The following MRAP variants were observed in gnomAD, a reference collection of about 807,000 sequenced individuals.
MRAP encodes melanocortin 2 receptor accessory protein, also known as melanocortin-2 receptor accessory protein.
A neutral mutation model predicts 8.7 loss-of-function variants in MRAP; 8 were observed. That is an observed-to-expected ratio of 0.92 (90% confidence interval 0.54 to 1.66). The LOEUF is 1.66. MRAP is among the 40% of genes most tolerant of loss of function. The pLI is 0.00. For missense variants in MRAP, 237 were observed against 217.1 expected, an observed-to-expected ratio of 1.09 and a Z score of -0.58; for synonymous variants, 95 against 95.5, an observed-to-expected ratio of 1.00 and a Z score of 0.03.
At chr21:32,300,592 A>G (rs12482890) in intron 1 of MRAP, among the ~76,000 whole-genome samples, 146,301 of 147,318 alleles carry the variant, frequency 0.99, 72,642 homozygotes, top group Non-Finnish European at 0.99. Context: ...GGGGCGTCAC[A>G]CGTCCTATGT....
In MRAP at chr21:32,306,673, C is replaced by T. The variant is rs2032426183; in HGVS notation, c.140C>T (p.Ala47Val). Residue 47 changes from alanine (A) to valine (V), a missense_variant, in exon 2 of 3, where the codon GCT becomes GTT. Transcript: ENST00000303645. ...SIVIAFWVSLAAFVVLLFLIL... is the reference protein window; with the variant it reads ...SIVIAFWVSLVAFVVLLFLIL... ...GTGATCGCATTCTGGGTGAGCCTGG[C>T]TGCCTTCGTGGTGCTGCTCTTCCTC... 6.2e-7 allele frequency: 1 copy of T among 1,614,038 alleles called. No individual in the cohort carries two copies. The highest frequency in any genetic ancestry group is 1.3e-5 in the African/African-American group (1 of 74,922).
chr21:32,309,369 A>G (rs2032497004), intron 2 of MRAP, among the ~76,000 whole-genome samples: 2 of 151,772 alleles, frequency 1.3e-5, no homozygotes, highest in Admixed American at 6.6e-5. Context: ...TGTCTCACCC[A>G]CCAGGGCTAC....
At chr21:32,311,447 G>A in intron 2 of MRAP, 6 of 197,718 alleles carry the variant, frequency 3.0e-5, no homozygotes, top group South Asian at 2.8e-4. Context: ...GTAGGAAGAA[G>A]TGGCCTCCAG....
At chr21:32,314,483 T>A, downstream of MRAP, 3 of 1,480,906 alleles carry the variant, frequency 2.0e-6, no homozygotes, top group Non-Finnish European at 1.9e-6. Context: ...CCTCACCTGC[T>A]GAAAAATAAA....
In MRAP at chr21:32,311,696, G is replaced by C; in HGVS notation, c.219G>C (p.Lys73Asn). The change falls in exon 3 of 3, where the codon AAG becomes AAC. Residue 73 changes from lysine to asparagine, a missense_variant. Coordinates refer to ENST00000303645, the MANE Select transcript of MRAP (RefSeq NM_001379228.1). ...GCTCTGTTCACAGGAACAGCCCCAAGCACCACCAAACATGCCCCTGGAGTC... is the reference window on the plus strand; with the variant it reads ...GCTCTGTTCACAGGAACAGCCCCAACCACCACCAAACATGCCCCTGGAGTC... ...SASPQMRNSP[K>N]HHQTCPWSHG... 1 of 1,613,918 alleles carries C rather than the reference G, an allele frequency of 6.2e-7. No individual in the cohort carries two copies. Among genetic ancestry groups the C allele is most frequent in the Non-Finnish European group, 8.5e-7 (1 of 1,179,948 alleles).
intron 1 of MRAP, among the ~76,000 whole-genome samples, chr21:32,301,614 G>A (rs1462303577): frequency 6.6e-6 from 1 of 152,196 alleles, no homozygotes; most frequent in Non-Finnish European, 1.5e-5. Context: ...CAGCAATACA[G>A]ATTATTCTAA....
chr21:32,306,836 A>G, intron 2 of MRAP, 97 bp downstream of exon 2: 3 of 972,120 alleles, frequency 3.1e-6, no homozygotes. Flanking sequence ...GCTGGAGACC[A>G]GAAGTGTTTC....
chr21:32,297,356 T>A (rs1489030586), upstream of MRAP, among the ~76,000 whole-genome samples: 2 of 152,102 alleles, frequency 1.3e-5, no homozygotes, highest in Non-Finnish European at 2.9e-5. Flanking sequence ...GGTGCCCACA[T>A]AATGGAATAT....
At chr21:32,309,915 A>G (rs2032516450) in intron 2 of MRAP, among the ~76,000 whole-genome samples, 3 of 151,984 alleles carry the variant, frequency 2.0e-5, no homozygotes. Flanking sequence ...TGAGGTCAGG[A>G]GCCACTGTGC....
At chr21:32,300,462 G>T (rs531107348) in intron 1 of MRAP, among the ~76,000 whole-genome samples, 13 of 150,960 alleles carry the variant, frequency 8.6e-5, no homozygotes, top group African/African-American at 1.2e-4. Context: ...TGTTTCACAC[G>T]TCTTATGTCA....
chr21:32,297,253 A>T (rs2032156679), upstream of MRAP, among the ~76,000 whole-genome samples: 2 of 152,196 alleles, frequency 1.3e-5, no homozygotes, highest in African/African-American at 2.4e-5. Context: ...AACCAACCAT[A>T]TATTAGAGGG....
At position 32,309,891 on chromosome 21, in the gene MRAP, C is replaced by T. The variant is rs185827245; in HGVS notation, c.207-1793C>T. Among the ~76,000 whole-genome samples, 8 of 151,976 alleles carry T rather than the reference C, an allele frequency of 5.3e-5. 1 individual carries two copies. The highest frequency in any genetic ancestry group is 4.6e-4 in the Admixed American group (7 of 15,282). On this transcript the variant is annotated intron_variant, in intron 2 of 2. Transcript: ENST00000303645. Reference sequence around the variant, plus strand: ...CTGGGAGGCAGAGGTTGCAGTTAGCCGAGATGGCATCACTGAGGTCAGGAG... The same window carrying T: ...CTGGGAGGCAGAGGTTGCAGTTAGCTGAGATGGCATCACTGAGGTCAGGAG...
In MRAP at chr21:32,311,933, C is replaced by T. The variant is rs766368326; in HGVS notation, c.456C>T (p.Pro152=). Residue 152 remains proline (P), a synonymous_variant, in exon 3 of 3, where the codon CCC becomes CCT. Transcript: ENST00000303645. ...LLWELTLNGG[P]LVRSKPSEPP... is the part of the protein sequence containing the mutation. ...GGGAACTGACCCTCAATGGGGGTCC[C>T]CTCGTCAGGAGCAAGCCCAGCGAGC... 4 of 1,613,710 alleles carry T rather than the reference C, an allele frequency of 2.5e-6. No individual in the cohort carries two copies. Among genetic ancestry groups the T allele is most frequent in the Non-Finnish European group, 3.4e-6 (4 of 1,180,030 alleles).
intron 1 of MRAP, among the ~76,000 whole-genome samples, chr21:32,299,691 C>T (rs1024451410): frequency 6.6e-6 from 1 of 152,106 alleles, no homozygotes; most frequent in Non-Finnish European, 1.5e-5. Flanking sequence ...ATAAGCTGAG[C>T]GAGTTTCCTC....
In MRAP at chr21:32,306,665, G is replaced by T. The variant is rs17855142; in HGVS notation, c.132G>T (p.Val44=). 6.9e-3 allele frequency: 11,080 copies of T among 1,614,108 alleles called. 432 individuals carry two copies. In the East Asian group the frequency reaches 0.099, roughly 14 times the overall value. Residue 44 remains valine (V), a synonymous_variant, in exon 2 of 3, where the codon GTG becomes GTT. Transcript: ENST00000303645. ...HKHSIVIAFW[V]SLAAFVVLLF... is the part of the protein sequence containing the mutation. ...ATTCCATCGTGATCGCATTCTGGGTGAGCCTGGCTGCCTTCGTGGTGCTGC... is the reference window on the plus strand; with the variant it reads ...ATTCCATCGTGATCGCATTCTGGGTTAGCCTGGCTGCCTTCGTGGTGCTGC...
upstream of MRAP, among the ~76,000 whole-genome samples, chr21:32,297,033 G>C (rs2032152841): frequency 6.6e-6 from 1 of 152,202 alleles, no homozygotes; most frequent in Non-Finnish European, 1.5e-5. Flanking sequence ...AATCTTATGT[G>C]ACCACTGTTC....
intron 1 of MRAP, among the ~76,000 whole-genome samples, chr21:32,304,338 TG>T (rs2032352949): frequency 6.6e-6 from 1 of 152,144 alleles, no homozygotes; most frequent in Admixed American, 6.5e-5. Context: ...TTAAGCTGGC[TG>T]GGTGCGGTGA....
intron 1 of MRAP, among the ~76,000 whole-genome samples, chr21:32,300,833 G>T (rs2032271709): frequency 6.8e-6 from 1 of 147,780 alleles, no homozygotes; most frequent in South Asian, 2.2e-4. Flanking sequence ...TCCTATGTCG[G>T]ATATGTCATG....
rs1358809768 is a variant in MRAP, at chr21:32,311,840, G to C, written c.363G>C (p.Gln121His). 6.2e-7 allele frequency: 1 copy of C among 1,614,010 alleles called. No individual in the cohort carries two copies. Among genetic ancestry groups the C allele is most frequent in the African/African-American group, 1.3e-5 (1 of 74,932 alleles). ...VEPGSRTGPD[Q>H]PLRQESSSTL... ...CAGGGAGCAGAACTGGCCCTGACCA[G>C]CCGCTACGACAGGAGAGCTCCTCCA... The change falls in exon 3 of 3, where the codon CAG (glutamine) becomes CAC (histidine). Residue 121 changes from glutamine to histidine, a missense_variant. Gln to His is a conservative substitution (Grantham distance 24). Transcript: ENST00000303645.
Sources: allele counts gnomAD v4.1 joint callset (sites outside exome capture counted in the v4.1 genomes callset), GRCh38; gene constraint gnomAD v4.1.1; transcripts MANE v1.5; gene names NCBI Gene and HGNC (gene_info 2026-07-23, HGNC 2026-07-21).